Variants in XAF1 observed in about 807,000 individuals in gnomAD.
XAF1 encodes the protein XIAP-associated factor 1.
XAF1 carries 32 observed loss-of-function variants against 32.3 expected under a neutral mutation model. The ratio of observed to expected loss-of-function variants is 0.99; its 90% CI spans 0.75 to 1.33. The LOEUF (loss-of-function observed/expected upper bound fraction) is 1.33. XAF1 is among the 40% of genes most tolerant of loss of function. The pLI, the probability that XAF1 is intolerant of heterozygous loss-of-function variation, is 0.00. For synonymous variants in XAF1, 120 were observed against 125.9 expected (o/e 0.95, Z 0.31); for missense variants, 379 against 366.0 (o/e 1.04, Z -0.29).
Position 6,773,228 on chromosome 17 carries a change from C to T in XAF1, c.*59C>T, listed in dbSNP as rs115485040. On this transcript the variant is annotated 3_prime_UTR_variant, in exon 7 of 7. Coordinates refer to ENST00000361842, the MANE Select transcript of XAF1 (RefSeq NM_017523.5). ...GATTTCACTTTTAACACTGGCATTC[C>T]TGCCTACTTGCTGTGGTGGTCTTGT... is the stretch of plus-strand genomic sequence containing the variant. 814 of 1,464,998 alleles carry T rather than the reference C, an allele frequency of 5.6e-4. 7 individuals are homozygous for T. In the African/African-American group the frequency reaches 0.011, roughly 19 times the overall value. The allele number at this position is 1,464,998 out of a possible 1,614,324, so 90.7% of individuals were successfully genotyped here.
intron 1 of XAF1, 56 bp from the exon 2 acceptor site, chr17:6,758,033 T>C (rs1974831455): frequency 1.2e-6 from 2 of 1,610,436 alleles, no homozygotes; most frequent in Non-Finnish European, 1.7e-6. Flanking sequence ...TACAGCTCCA[T>C]GTTTTATAAT....
In XAF1 at chr17:6,756,045, CGA is replaced by C. The variant is rs1348451647; in HGVS notation, c.-33_-32del. The C allele has an allele frequency of 6.2e-7, 1 of 1,613,414 alleles. No individual in the cohort carries two copies. Among genetic ancestry groups the C allele is most frequent in the Non-Finnish European group, 8.5e-7 (1 of 1,179,850 alleles). On this transcript the variant is annotated 5_prime_UTR_variant, in exon 1 of 7. Coordinates refer to ENST00000361842, the MANE Select transcript of XAF1 (RefSeq NM_017523.5). The stretch of plus-strand genomic sequence containing the variant: ...GTTTTGTTTCCTTGCCTGCAAGAAA[CGA>C]AACTCAACCGAAAGCCTGCAGAGAG...
chr17:6,755,718 G>A (rs1177769502), upstream of XAF1: 5 of 1,088,866 alleles, frequency 4.6e-6, no homozygotes, highest in African/African-American at 6.5e-5. Context: ...AGGGTGGGAG[G>A]TGGATGGTTT....
At chr17:6,758,260 C>T (rs1463440620) in intron 2 of XAF1, 36 bp downstream of exon 2, 1 of 1,608,642 alleles carries the variant, frequency 6.2e-7, no homozygotes, top group East Asian at 2.3e-5. Context: ...GTCTGAGAGT[C>T]AAGGTGAGTG....
Position 6,759,703 on chromosome 17 carries a change from G to A in XAF1, c.210G>A (p.Ser70=), listed in dbSNP as rs139863841. The A allele has an allele frequency of 3.3e-5, 54 of 1,613,744 alleles. No individual in the cohort carries two copies. The highest frequency in any genetic ancestry group is 4.6e-5 in the Non-Finnish European group (54 of 1,180,020). ...TMCQQSMQKS[S]LEFHKANECQ... ...GTCAGCAGAGCATGCAGAAGTCCTC[G>A]CTGGAGTTTCATAAGGTAAGAGCCC... The change falls in exon 3 of 7, where the codon TCG becomes TCA. Residue 70 remains serine (S), a synonymous_variant. Coordinates refer to ENST00000361842, the MANE Select transcript of XAF1 (RefSeq NM_017523.5).
intron 5 of XAF1, among the ~76,000 whole-genome samples, chr17:6,766,965 G>A (rs1407302433): frequency 6.6e-6 from 1 of 152,174 alleles, no homozygotes; most frequent in Non-Finnish European, 1.5e-5. Context: ...CTCCTTGTTT[G>A]ATAGAACATA....
intron 1 of XAF1, among the ~76,000 whole-genome samples, chr17:6,756,683 C>T (rs964914022): frequency 6.6e-6 from 1 of 152,154 alleles, no homozygotes; most frequent in African/African-American, 2.4e-5. Flanking sequence ...TTGCTCCAGC[C>T]AGACCCTTCA....
intron 5 of XAF1, among the ~76,000 whole-genome samples, chr17:6,764,214 A>C (rs1361671447): frequency 6.6e-6 from 1 of 152,228 alleles, no homozygotes; most frequent in Non-Finnish European, 1.5e-5. Context: ...AAAAGAAGAC[A>C]TCCACAACCA....
upstream of XAF1, chr17:6,755,651 G>A (rs568387085): frequency 3.1e-4 from 319 of 1,031,742 alleles, no homozygotes; most frequent in African/African-American, 5.1e-3. Flanking sequence ...AGCTCAACAT[G>A]GCAAGTTCCC....
chr17:6,761,758 C>A, intron 4 of XAF1: 3 of 1,088,636 alleles, frequency 2.8e-6, no homozygotes, highest in South Asian at 3.1e-5. Context: ...AGCTTCAACA[C>A]TGTCAACAAA....
intron 2 of XAF1, 167 bp downstream of exon 2, chr17:6,758,391 A>G (rs2151527113): frequency 1.0e-6 from 1 of 998,362 alleles, no homozygotes; most frequent in South Asian, 1.6e-5. Flanking sequence ...TGCAGGAGAG[A>G]TGGGGTCTGA....
intron 1 of XAF1, among the ~76,000 whole-genome samples, chr17:6,756,716 C>A (rs1974702584): frequency 6.6e-6 from 1 of 152,106 alleles, no homozygotes; most frequent in South Asian, 2.1e-4. Flanking sequence ...TCTCAACCAG[C>A]CCAGGAAGAG....
chr17:6,769,081 T>TAATC (rs1431312192), intron 5 of XAF1, among the ~76,000 whole-genome samples: 2 of 152,150 alleles, frequency 1.3e-5, no homozygotes, highest in Non-Finnish European at 2.9e-5. Flanking sequence ...TTCTCTCTTT[T>TAATC]AATCGCCTTA....
intron 5 of XAF1, among the ~76,000 whole-genome samples, chr17:6,763,000 A>G (rs945949707): frequency 6.6e-6 from 1 of 152,276 alleles, no homozygotes; most frequent in African/African-American, 2.4e-5. Flanking sequence ...TAAACCACGT[A>G]TAATGTAAAA....
chr17:6,762,345 T>TCCC, intron 5 of XAF1, 105 bp downstream of exon 5: 1 of 901,544 alleles, frequency 1.1e-6, no homozygotes, highest in Non-Finnish European at 1.6e-6. Flanking sequence ...ATAGCATGGA[T>TCCC]ATTAAAGGGT....
In XAF1 at chr17:6,758,073, C is replaced by T. The variant is rs1974834779; in HGVS notation, c.33-16C>T. 1.2e-6 allele frequency: 2 copies of T among 1,614,168 alleles called. No individual in the cohort carries two copies. Among genetic ancestry groups the T allele is most frequent in the African/African-American group, 1.3e-5 (1 of 75,044 alleles). ...AAATAAGTCTATTTTTCTATCCCCA[C>T]ACCTTGACCCTGTAGTAAAAGACAT... On this transcript the variant is annotated splice_polypyrimidine_tract_variant and intron_variant, in intron 1 of 6. Transcript: ENST00000361842.
chr17:6,763,294 T>A (rs574296281), intron 5 of XAF1, among the ~76,000 whole-genome samples: 1 of 152,328 alleles, frequency 6.6e-6, no homozygotes, highest in Admixed American at 6.5e-5. Flanking sequence ...AGTTGTGGCA[T>A]GTGTCAGCAT....
intron 5 of XAF1, among the ~76,000 whole-genome samples, chr17:6,767,736 A>ACTGCTGCTGCTG (rs36030643): frequency 6.6e-6 from 1 of 151,354 alleles, no homozygotes; most frequent in African/African-American, 2.4e-5. Context: ...GTTCATTACT[A>ACTGCTGCTGCTG]CTGCTGCTGC....
At position 6,765,641 on chromosome 17, in the gene XAF1, A is replaced by G. The variant is rs932184945; in HGVS notation, c.507+3401A>G. The stretch of plus-strand genomic sequence containing the variant: ...GCCCATCTCAGTTGATGGCAACTCT[A>G]TCTTTCCAGTTGTTCAGGCCAAAAT... On this transcript the variant is annotated intron_variant, in intron 5 of 6. Transcript: ENST00000361842. 2.0e-5 allele frequency among the ~76,000 whole-genome samples: 3 copies of G among 152,242 alleles called. No individual in the cohort carries two copies. The South Asian group carries it at 6.2e-4, about 32-fold the overall frequency.
Sources: allele counts gnomAD v4.1 joint callset (sites outside exome capture counted in the v4.1 genomes callset), GRCh38; gene constraint gnomAD v4.1.1; transcripts MANE v1.5; gene names NCBI Gene and HGNC (gene_info 2026-07-23, HGNC 2026-07-21).